Variants in ARSF observed in about 807,000 individuals in gnomAD.
ARSF encodes the protein arylsulfatase F.
In ARSF, 33 loss-of-function variants were observed where a neutral mutation model predicts 35.4. The ratio of observed to expected loss-of-function variants is 0.93; its 90% CI spans 0.71 to 1.25. The LOEUF is 1.25. Ranked by LOEUF, ARSF falls within the 50% of genes most tolerant of loss-of-function variation. The probability of loss-of-function intolerance (pLI) is 0.00; values close to 1 mark genes in which losing one functional copy is unlikely to be tolerated. For missense variants in ARSF, 501 were observed against 480.2 expected (o/e 1.04, Z -0.40); for synonymous variants, 222 against 193.1 (o/e 1.15, Z -1.24).
At chrX:3,079,257 C>T (rs1297337970) in intron 4 of ARSF, among the ~76,000 whole-genome samples, 1 of 110,984 alleles carries the variant, frequency 9.0e-6, no homozygotes, top group African/African-American at 3.3e-5. Context: ...TCTTTGAATA[C>T]CAGTTTTCAA....
intron 3 of ARSF, among the ~76,000 whole-genome samples, chrX:3,074,695 T>C (rs772600574): frequency 2.7e-5 from 3 of 111,587 alleles, no homozygotes; most frequent in South Asian, 7.6e-4. Context: ...GTGAAAATTA[T>C]AGCAATTTCA....
At chrX:3,069,106 A>T (rs1483895813) in intron 2 of ARSF, among the ~76,000 whole-genome samples, 1 of 111,519 alleles carries the variant, frequency 9.0e-6, no homozygotes, top group East Asian at 2.8e-4. Flanking sequence ...GGATATGCTG[A>T]GAAGAGCGTC....
At chrX:3,076,794 C>G (rs1269257826) in intron 4 of ARSF, 125 bp downstream of exon 4, 2 of 993,439 alleles carry the variant, frequency 2.0e-6, no homozygotes, top group African/African-American at 3.8e-5. Flanking sequence ...CCTGTAATCC[C>G]AGAACTTCGG....
Position 3,043,428 on chromosome X carries a change from T to C in ARSF, c.-29+1765T>C, listed in dbSNP as rs187497802. Among the ~76,000 whole-genome samples, 16 of 112,136 alleles carry C rather than the reference T, an allele frequency of 1.4e-4. No individual in the cohort carries two copies. The East Asian group carries it at 3.7e-3, about 26-fold the overall frequency. ...GACTTCAATAATAAAAATACAGTAA[T>C]GCAAAAGGAGATCATTGGTTAGAAC... On this transcript the variant is annotated intron_variant, in intron 1 of 10. Coordinates refer to ENST00000381127, the MANE Select transcript of ARSF (RefSeq NM_001201539.2).
At chrX:3,050,546 C>CAA (rs572650651) in intron 1 of ARSF, among the ~76,000 whole-genome samples, 47 of 53,224 alleles carry the variant, frequency 8.8e-4, no homozygotes, top group African/African-American at 1.4e-3. Flanking sequence ...AACTCTGTCT[C>CAA]AAAAAAAAAA....
At chrX:3,092,168 GATA>G (rs2090296953) in intron 7 of ARSF, among the ~76,000 whole-genome samples, 1 of 18,084 alleles carries the variant, frequency 5.5e-5, no homozygotes, top group African/African-American at 2.8e-4. Context: ...GTAGATAGAT[GATA>G]GATAGATACA....
intron 8 of ARSF, among the ~76,000 whole-genome samples, chrX:3,103,340 T>C (rs2090391468): frequency 1.8e-5 from 2 of 111,176 alleles, no homozygotes; most frequent in South Asian, 7.6e-4. Context: ...CCATTTCAAA[T>C]AAAATGTTCA....
At chrX:3,092,170 TAG>T (rs2090297037) in intron 7 of ARSF, among the ~76,000 whole-genome samples, 1 of 19,059 alleles carries the variant, frequency 5.2e-5, no homozygotes, top group South Asian at 5.4e-3. Context: ...AGATAGATGA[TAG>T]ATAGATACAT....
chrX:3,082,703 T>C (rs1338349994), intron 5 of ARSF, among the ~76,000 whole-genome samples: 1 of 111,922 alleles, frequency 8.9e-6, no homozygotes, highest in African/African-American at 3.2e-5. Context: ...CTGTCCTCCA[T>C]CATTTATTTG....
chrX:3,079,924 A>G (rs1481856029), intron 4 of ARSF, among the ~76,000 whole-genome samples: 1 of 96,174 alleles, frequency 1.0e-5, no homozygotes, highest in Non-Finnish European at 2.0e-5. Context: ...ATGCCACTGC[A>G]CTCTAGCCTG....
intron 1 of ARSF, among the ~76,000 whole-genome samples, chrX:3,046,426 C>T (rs1203562953): frequency 2.7e-5 from 3 of 111,554 alleles, no homozygotes; most frequent in African/African-American, 9.8e-5. Flanking sequence ...GACTCTTTTA[C>T]CCTCACTATC....
At chrX:3,053,586 T>C (rs2090005089) in intron 1 of ARSF, among the ~76,000 whole-genome samples, 1 of 109,715 alleles carries the variant, frequency 9.1e-6, no homozygotes, top group Non-Finnish European at 1.9e-5. Context: ...TCACTACTTG[T>C]AATGTATTTT....
chrX:3,092,841 C>T (rs548780865), intron 7 of ARSF, among the ~76,000 whole-genome samples: 4 of 112,320 alleles, frequency 3.6e-5, no homozygotes, highest in South Asian at 7.4e-4. Context: ...TGATTTGTGG[C>T]CATTCCTGGT....
chrX:3,069,678 TTTTA>T (rs1363776515), intron 2 of ARSF, among the ~76,000 whole-genome samples: 9 of 110,348 alleles, frequency 8.2e-5, no homozygotes, highest in African/African-American at 3.0e-4. Flanking sequence ...AATATTTTAT[TTTTA>T]TTTATTTTTT....
intron 2 of ARSF, among the ~76,000 whole-genome samples, chrX:3,071,395 C>T (rs1461573656): frequency 9.0e-6 from 1 of 110,601 alleles, no homozygotes; most frequent in Non-Finnish European, 1.9e-5. Flanking sequence ...CCTCCGCCTC[C>T]CGGGTTCAAG....
chrX:3,079,728 G>A (rs1352386876), intron 4 of ARSF, among the ~76,000 whole-genome samples: 1 of 108,885 alleles, frequency 9.2e-6, no homozygotes. Flanking sequence ...GGGAAGCTGA[G>A]GAGGGCAGAT....
chrX:3,040,544 C>T (rs1484269040), upstream of ARSF, among the ~76,000 whole-genome samples: 3 of 111,335 alleles, frequency 2.7e-5, no homozygotes, highest in African/African-American at 6.5e-5. Context: ...AGTACATTTG[C>T]GTGAGAGACT....
chrX:3,108,147 T>C (rs1165802767), intron 9 of ARSF, among the ~76,000 whole-genome samples: 2 of 112,217 alleles, frequency 1.8e-5, no homozygotes, highest in Non-Finnish European at 3.8e-5. Context: ...TGGACTCTCC[T>C]ATTTCATTGA....
intron 7 of ARSF, among the ~76,000 whole-genome samples, chrX:3,098,355 T>TAGAG (rs55920719): frequency 9.2e-6 from 1 of 108,932 alleles, no homozygotes; most frequent in East Asian, 2.9e-4. Context: ...TCAACCCAAA[T>TAGAG]AGAGAGAGAG....
Sources: allele counts gnomAD v4.1 joint callset (sites outside exome capture counted in the v4.1 genomes callset), GRCh38; gene constraint gnomAD v4.1.1; transcripts MANE v1.5; gene names NCBI Gene and HGNC (gene_info 2026-07-23, HGNC 2026-07-21).